Variants in GRM8 observed in about 807,000 individuals in gnomAD.
GRM8 encodes the protein metabotropic glutamate receptor 8.
A neutral mutation model predicts 87.2 loss-of-function variants in GRM8; 47 were observed. The ratio of observed to expected loss-of-function variants is 0.54; its 90% CI spans 0.43 to 0.69. The LOEUF is 0.69. GRM8 is among the 30% of genes least tolerant of loss of function. The pLI, the probability that GRM8 is intolerant of heterozygous loss-of-function variation, is 0.00. For missense variants in GRM8, 1,019 were observed against 1,139.2 expected (o/e 0.89, Z 1.52); for synonymous variants, 396 against 404.5 (o/e 0.98, Z 0.25).
At chr7:126,710,303 G>A (rs1250905924) in intron 7 of GRM8, among the ~76,000 whole-genome samples, 2 of 152,006 alleles carry the variant, frequency 1.3e-5, no homozygotes, top group Non-Finnish European at 2.9e-5. Context: ...AATAAAGTAC[G>A]GCATTGATTG....
At chr7:126,483,466 T>TC (rs1806963319) in intron 9 of GRM8, among the ~76,000 whole-genome samples, 2 of 39,538 alleles carry the variant, frequency 5.1e-5, no homozygotes, top group Admixed American at 2.9e-4. Context: ...CCTCCCTCCC[T>TC]CCCTCCCTTC....
chr7:127,098,296 A>T (rs2132991025), intron 3 of GRM8, among the ~76,000 whole-genome samples: 1 of 152,288 alleles, frequency 6.6e-6, no homozygotes, highest in South Asian at 2.1e-4. Flanking sequence ...CTTTTCTCAA[A>T]TTGACTTTTG....
chr7:126,587,136 C>G (rs996308241), intron 8 of GRM8, among the ~76,000 whole-genome samples: 1 of 152,182 alleles, frequency 6.6e-6, no homozygotes, highest in Non-Finnish European at 1.5e-5. Context: ...GATACCATCT[C>G]ACACCAGTTA....
intron 3 of GRM8, among the ~76,000 whole-genome samples, chr7:126,918,413 G>T (rs1338251289): frequency 6.6e-6 from 1 of 152,074 alleles, no homozygotes; most frequent in Non-Finnish European, 1.5e-5. Flanking sequence ...TGTACAAAAG[G>T]AGATTTAATC....
chr7:126,610,686 G>A (rs888481863), intron 7 of GRM8, among the ~76,000 whole-genome samples: 5 of 151,978 alleles, frequency 3.3e-5, no homozygotes, highest in Non-Finnish European at 7.4e-5. Context: ...CAAACAAATC[G>A]ATGACTTTAT....
chr7:126,801,121 T>A (rs566206972), intron 6 of GRM8, among the ~76,000 whole-genome samples: 49 of 152,234 alleles, frequency 3.2e-4, no homozygotes, highest in African/African-American at 1.1e-3. Context: ...CTCCCTTGTA[T>A]CAAACAAATA....
At chr7:126,842,077 G>T (rs78163529) in intron 6 of GRM8, among the ~76,000 whole-genome samples, 2 of 152,140 alleles carry the variant, frequency 1.3e-5, no homozygotes, top group African/African-American at 2.4e-5. Flanking sequence ...GCCAGAGAAA[G>T]AACACAATAA....
chr7:126,561,271 G>A (rs1474445619), intron 8 of GRM8, among the ~76,000 whole-genome samples: 1 of 152,128 alleles, frequency 6.6e-6, no homozygotes, highest in Non-Finnish European at 1.5e-5. Context: ...AGGAGTTTGA[G>A]ACCAGCCTGG....
At chr7:126,841,513 G>A (rs1164101665) in intron 6 of GRM8, among the ~76,000 whole-genome samples, 2 of 152,010 alleles carry the variant, frequency 1.3e-5, no homozygotes, top group African/African-American at 4.8e-5. Context: ...CACTTCCACT[G>A]CATTTACTGA....
chr7:126,755,912 A>C (rs1026111444), intron 7 of GRM8, among the ~76,000 whole-genome samples: 1 of 152,048 alleles, frequency 6.6e-6, no homozygotes, highest in Admixed American at 6.6e-5. Context: ...CTCAACAGCC[A>C]GCCAATAAAT....
chr7:126,469,658 G>GT (rs1804921896), intron 9 of GRM8, among the ~76,000 whole-genome samples: 1 of 152,134 alleles, frequency 6.6e-6, no homozygotes, highest in Admixed American at 6.6e-5. Flanking sequence ...GAAGAAGGAT[G>GT]TGTTTATTTC....
intron 2 of GRM8, chr7:127,118,221 AG>A (rs1343498690): frequency 1.3e-5 from 2 of 152,214 alleles, no homozygotes; most frequent in African/African-American, 2.4e-5. Flanking sequence ...CCATTTACAC[AG>A]GGGGAAAACC....
intron 7 of GRM8, among the ~76,000 whole-genome samples, chr7:126,718,695 C>A (rs1217330654): frequency 1.3e-5 from 2 of 152,188 alleles, no homozygotes; most frequent in Non-Finnish European, 2.9e-5. Flanking sequence ...CTCCATTGTT[C>A]ATGCTTTCTA....
At chr7:126,979,651 C>T (rs946175891) in intron 3 of GRM8, among the ~76,000 whole-genome samples, 2 of 152,182 alleles carry the variant, frequency 1.3e-5, no homozygotes, top group African/African-American at 2.4e-5. Context: ...GGTATTTTCA[C>T]AAAGACCTTC....
intron 3 of GRM8, among the ~76,000 whole-genome samples, chr7:127,052,057 T>C (rs1819544470): frequency 6.6e-6 from 1 of 152,208 alleles, no homozygotes; most frequent in Non-Finnish European, 1.5e-5. Flanking sequence ...TATGACTTGA[T>C]GTATTTTTCT....
intron 6 of GRM8, among the ~76,000 whole-genome samples, chr7:126,886,736 A>T (rs1405286135): frequency 1.3e-5 from 2 of 152,160 alleles, no homozygotes; most frequent in East Asian, 3.9e-4. Context: ...TATATTTTTG[A>T]GTAATATCTT....
chr7:126,754,996 A>G (rs1476871044), intron 7 of GRM8, among the ~76,000 whole-genome samples: 1 of 150,870 alleles, frequency 6.6e-6, no homozygotes, highest in Non-Finnish European at 1.5e-5. Flanking sequence ...GTTTATTCAT[A>G]TATTAGCATA....
chr7:126,569,348 A>C (rs1352511400), intron 8 of GRM8, among the ~76,000 whole-genome samples: 2 of 152,222 alleles, frequency 1.3e-5, no homozygotes, highest in African/African-American at 2.4e-5. Context: ...GTACTTTCCA[A>C]CCTGGGTATT....
At chr7:127,169,285 G>T (rs1027404105) in intron 2 of GRM8, among the ~76,000 whole-genome samples, 1 of 152,160 alleles carries the variant, frequency 6.6e-6, no homozygotes, top group Non-Finnish European at 1.5e-5. Context: ...GGTTAGAGTG[G>T]ACTGGACAGA....
Sources: gnomAD v4.1 joint callset for allele counts (sites outside exome capture counted in the v4.1 genomes callset) on GRCh38, gnomAD v4.1.1 for gene constraint, MANE v1.5 for transcripts, NCBI Gene and HGNC (gene_info 2026-07-23, HGNC 2026-07-21) for gene names.